Variants in XIRP2 observed in about 807,000 individuals in gnomAD.
XIRP2 encodes the protein xin actin binding repeat containing 2, also known as xin actin-binding repeat-containing protein 2.
XIRP2 carries 236 observed loss-of-function variants against 277.0 expected under a neutral mutation model. The ratio of observed to expected loss-of-function variants is 0.85; its 90% confidence interval spans 0.77 to 0.95. The LOEUF is 0.95. Among genes scored for constraint, XIRP2 ranks in the 40% least tolerant of loss-of-function variants. The pLI is 0.00. For missense variants in XIRP2, 4,640 were observed against 4,157.5 expected (o/e 1.12, Z -3.19); for synonymous variants, 1,490 against 1,416.5 (o/e 1.05, Z -1.17).
intron 2 of XIRP2, among the ~76,000 whole-genome samples, chr2:167,051,121 T>A (rs562675492): frequency 1.3e-5 from 2 of 152,120 alleles, no homozygotes; most frequent in African/African-American, 4.8e-5. Context: ...CCCCTAGCAC[T>A]CCTTTAAATC....
chr2:167,227,534 C>A (rs1468550522), intron 5 of XIRP2, among the ~76,000 whole-genome samples: 1 of 151,912 alleles, frequency 6.6e-6, no homozygotes, highest in Non-Finnish European at 1.5e-5. Flanking sequence ...AACCCCATCT[C>A]TACAAAAGAA....
At chr2:167,171,700 T>C (rs1692694664) in intron 3 of XIRP2, among the ~76,000 whole-genome samples, 2 of 151,982 alleles carry the variant, frequency 1.3e-5, no homozygotes, top group African/African-American at 4.8e-5. Context: ...TCCTTAGTTC[T>C]GAGTTTTTTA....
chr2:167,069,923 T>G (rs1352659603), intron 2 of XIRP2, among the ~76,000 whole-genome samples: 1 of 152,138 alleles, frequency 6.6e-6, no homozygotes. Context: ...AGTTACCCTA[T>G]CCCACTGAAT....
intron 3 of XIRP2, among the ~76,000 whole-genome samples, chr2:167,136,308 G>A (rs1691550920): frequency 6.6e-6 from 1 of 152,022 alleles, no homozygotes; most frequent in Non-Finnish European, 1.5e-5. Flanking sequence ...AGTACAACAA[G>A]CATTTTCAGT....
At chr2:167,257,488 C>G (rs535571829) in intron 10 of XIRP2, among the ~76,000 whole-genome samples, 2 of 152,046 alleles carry the variant, frequency 1.3e-5, no homozygotes, top group South Asian at 4.2e-4. Flanking sequence ...CAAAGAAGCT[C>G]ATATTGTTGA....
At chr2:167,024,443 A>C (rs1287810362) in intron 2 of XIRP2, among the ~76,000 whole-genome samples, 19 of 151,948 alleles carry the variant, frequency 1.3e-4, no homozygotes, top group Non-Finnish European at 1.5e-5. Context: ...AATACCCTTT[A>C]TTTCCTTCTC....
chr2:167,096,122 G>T (rs1217694588), intron 2 of XIRP2, among the ~76,000 whole-genome samples: 6 of 151,770 alleles, frequency 4.0e-5, no homozygotes, highest in Non-Finnish European at 7.4e-5. Context: ...CAGAAGGAAT[G>T]GTGCCAGCTC....
intron 5 of XIRP2, among the ~76,000 whole-genome samples, 180 bp from the exon 6 acceptor site, chr2:167,239,675 T>G (rs1462095414): frequency 6.6e-6 from 1 of 152,204 alleles, no homozygotes; most frequent in Non-Finnish European, 1.5e-5. Context: ...AAGTATAAGA[T>G]CCTAAGATTA....
intron 2 of XIRP2, among the ~76,000 whole-genome samples, chr2:167,006,335 G>A (rs1558944536): frequency 1.3e-5 from 2 of 151,684 alleles, no homozygotes; most frequent in African/African-American, 2.4e-5. Context: ...GGGGCGGGGG[G>A]AATGTAATGT....
chr2:167,259,531 T>C lies in XIRP2; in HGVS notation c.*1714T>C. 1 of 598,796 alleles carries C rather than the reference T, an allele frequency of 1.7e-6. No homozygotes were observed. The highest frequency in any genetic ancestry group is 3.6e-5 in the South Asian group (1 of 27,624). 37.1% of individuals were successfully genotyped at this position (598,796 alleles called of 1,614,324 possible). A position where few individuals can be genotyped will look rare whatever the true frequency, so the allele number is the denominator to read the frequency against. ...TATTTCTTGTATTACACCTTGTCAT[T>C]TTTTTCACAATTTATTTACATCTAC... On this transcript the variant is annotated 3_prime_UTR_variant, in exon 11 of 11. Transcript: ENST00000409195.
chr2:167,148,294 A>G (rs1691914247), intron 3 of XIRP2, among the ~76,000 whole-genome samples: 1 of 151,806 alleles, frequency 6.6e-6, no homozygotes. Flanking sequence ...AGGCAGGAGA[A>G]TCGCTTGAAC....
chr2:167,194,194 G>T (rs1693433171), intron 3 of XIRP2, among the ~76,000 whole-genome samples: 1 of 151,596 alleles, frequency 6.6e-6, no homozygotes, highest in African/African-American at 2.4e-5. Flanking sequence ...TGATTCTCCT[G>T]CTTCAGCCTC....
chr2:167,231,694 A>C (rs539286348), intron 5 of XIRP2, among the ~76,000 whole-genome samples: 9 of 152,086 alleles, frequency 5.9e-5, no homozygotes, highest in Non-Finnish European at 1.3e-4. Flanking sequence ...TCTAGGATCC[A>C]GGTGTGCAGA....
At chr2:167,153,192 G>T (rs1033062756) in intron 3 of XIRP2, among the ~76,000 whole-genome samples, 1 of 152,018 alleles carries the variant, frequency 6.6e-6, no homozygotes, top group African/African-American at 2.4e-5. Flanking sequence ...TGTGAGTATA[G>T]GGGAGTATGC....
At chr2:166,997,819 C>G (rs1421239751) in intron 2 of XIRP2, among the ~76,000 whole-genome samples, 1 of 151,610 alleles carries the variant, frequency 6.6e-6, no homozygotes, top group Non-Finnish European at 1.5e-5. Flanking sequence ...GCAGGAGAAT[C>G]ACTTGAACCC....
intron 2 of XIRP2, among the ~76,000 whole-genome samples, chr2:167,047,641 T>C (rs1688817281): frequency 6.6e-6 from 1 of 151,964 alleles, no homozygotes; most frequent in Non-Finnish European, 1.5e-5. Context: ...TATTAGACAA[T>C]AATATTTAGT....
chr2:167,193,408 T>G (rs1013534584), intron 3 of XIRP2, among the ~76,000 whole-genome samples: 1 of 152,212 alleles, frequency 6.6e-6, no homozygotes, highest in African/African-American at 2.4e-5. Context: ...TGTATGTGTA[T>G]ACATATATAT....
chr2:166,932,217 T>C (rs960112523), intron 2 of XIRP2, among the ~76,000 whole-genome samples: 2 of 137,348 alleles, frequency 1.5e-5, no homozygotes, highest in Non-Finnish European at 3.2e-5. Flanking sequence ...TCTCTCTCTC[T>C]TTTTTTTTTT....
In XIRP2 at chr2:167,105,674, C is replaced by A. The variant is rs554099059; in HGVS notation, c.409-30235C>A. The stretch of plus-strand genomic sequence containing the variant: ...ATTTTAATTTTTCTGAAATGAATGT[C>A]CAAAAGTGCAGTTAGGGGGAGCGTA... On this transcript the variant is annotated intron_variant, in intron 2 of 10. Transcript: ENST00000409195. Among the ~76,000 whole-genome samples, 155 of 151,898 alleles carry A rather than the reference C, an allele frequency of 1.0e-3. 1 individual carries two copies. Among genetic ancestry groups the A allele is most frequent in the South Asian group, 0.01 (49 of 4,826 alleles).
Sources: allele counts gnomAD v4.1 joint callset (sites outside exome capture counted in the v4.1 genomes callset), GRCh38; gene constraint gnomAD v4.1.1; transcripts MANE v1.5; gene names NCBI Gene and HGNC (gene_info 2026-07-23, HGNC 2026-07-21).